The following FCHSD2 variants were observed in gnomAD, a reference collection of about 807,000 sequenced individuals.
The protein encoded by FCHSD2 is FCH and double SH3 domains 2, also known as F-BAR and double SH3 domains protein 2.
Under a neutral mutation model 108.1 loss-of-function variants are expected in FCHSD2, and 38 were observed. The observed-to-expected ratio is 0.35, with a 90% confidence interval of 0.27 to 0.46. The LOEUF is 0.46. Ranked by LOEUF, FCHSD2 falls within the 20% of genes least tolerant of loss-of-function variation. FCHSD2 has a pLI of 1.00. For missense variants in FCHSD2, 751 were observed against 897.8 expected (o/e 0.84, Z 2.09); for synonymous variants, 279 against 314.7 (o/e 0.89, Z 1.20).
chr11:73,130,065 G>A (rs1015908602), intron 2 of FCHSD2, among the ~76,000 whole-genome samples: 7 of 151,408 alleles, frequency 4.6e-5, no homozygotes, highest in African/African-American at 1.7e-4. Flanking sequence ...TAGTAGAGAC[G>A]GGGTTTCACC....
At chr11:73,083,288 T>C (rs926028319) in intron 3 of FCHSD2, among the ~76,000 whole-genome samples, 3 of 152,184 alleles carry the variant, frequency 2.0e-5, no homozygotes, top group Non-Finnish European at 2.9e-5. Context: ...CAGTGGCTCA[T>C]GCCTGTAATC....
chr11:73,042,746 C>T (rs570998702), intron 3 of FCHSD2, among the ~76,000 whole-genome samples: 5 of 151,936 alleles, frequency 3.3e-5, no homozygotes, highest in South Asian at 2.1e-4. Context: ...CAGTGTTTTG[C>T]GGTTTTTTGT....
intron 10 of FCHSD2, among the ~76,000 whole-genome samples, chr11:72,893,435 C>T (rs969489441): frequency 6.6e-6 from 1 of 152,154 alleles, no homozygotes; most frequent in Non-Finnish European, 1.5e-5. Context: ...CCCACCTCAG[C>T]ATCCCAAGTA....
At chr11:72,950,637 T>C (rs199534784) in intron 8 of FCHSD2, among the ~76,000 whole-genome samples, 2 of 152,240 alleles carry the variant, frequency 1.3e-5, no homozygotes, top group African/African-American at 2.4e-5. Context: ...CAGCTACTGA[T>C]GTATGATTAG....
At chr11:73,074,170 C>T (rs1859494653) in intron 3 of FCHSD2, among the ~76,000 whole-genome samples, 1 of 152,094 alleles carries the variant, frequency 6.6e-6, no homozygotes, top group East Asian at 1.9e-4. Flanking sequence ...AACTAATGTG[C>T]CACAAAATAT....
intron 12 of FCHSD2, among the ~76,000 whole-genome samples, chr11:72,868,821 T>A (rs566656215): frequency 6.6e-6 from 1 of 152,246 alleles, no homozygotes; most frequent in East Asian, 1.9e-4. Flanking sequence ...CTCAAGGCTT[T>A]GTCCACATGC....
rs373334602 is a variant in FCHSD2, at chr11:72,841,433, C to T, written c.2056+21G>A. 2.5e-6 allele frequency: 4 copies of T among 1,608,304 alleles called. No individual in the cohort carries two copies. In the African/African-American group the frequency reaches 4.0e-5, roughly 16 times the overall value. On this transcript the variant is annotated intron_variant, in intron 18 of 19. Coordinates refer to ENST00000409418, the MANE Select transcript of FCHSD2 (RefSeq NM_014824.3). ...TCTGAAGTGAAAATGCATTTAGACC[C>T]ATGCCCAGGAGAACCCTTACCGTTT...
chr11:72,839,504 G>A (rs1430271197), intron 19 of FCHSD2, among the ~76,000 whole-genome samples: 4 of 152,132 alleles, frequency 2.6e-5, no homozygotes, highest in African/African-American at 7.2e-5. Context: ...TAGCCCAAAC[G>A]AGGGTACTGG....
intron 4 of FCHSD2, among the ~76,000 whole-genome samples, chr11:73,001,911 C>T (rs1165327081): frequency 6.6e-6 from 1 of 152,180 alleles, no homozygotes; most frequent in African/African-American, 2.4e-5. Context: ...TCCTCTTCAA[C>T]CTTCTTTCCT....
intron 8 of FCHSD2, among the ~76,000 whole-genome samples, chr11:72,978,259 T>G (rs749472013): frequency 6.6e-6 from 1 of 151,770 alleles, no homozygotes; most frequent in Non-Finnish European, 1.5e-5. Flanking sequence ...TGTATACATA[T>G]GTAACAAACC....
At chr11:73,030,752 A>T (rs1470179658) in intron 3 of FCHSD2, among the ~76,000 whole-genome samples, 1 of 152,224 alleles carries the variant, frequency 6.6e-6, no homozygotes, top group Non-Finnish European at 1.5e-5. Context: ...ATTGATAGTG[A>T]AATGGTTACC....
At chr11:73,118,861 T>TA (rs1860665814) in intron 2 of FCHSD2, among the ~76,000 whole-genome samples, 1 of 152,174 alleles carries the variant, frequency 6.6e-6, no homozygotes, top group Admixed American at 6.6e-5. Context: ...CCCAAGGTCA[T>TA]ACAACTAGGG....
intron 8 of FCHSD2, among the ~76,000 whole-genome samples, chr11:72,945,030 AC>A (rs1224683776): frequency 6.6e-6 from 1 of 152,224 alleles, no homozygotes; most frequent in East Asian, 1.9e-4. Flanking sequence ...TGACTTTCTC[AC>A]AGAATTGGAA....
At chr11:73,071,767 C>T (rs1201291922) in intron 3 of FCHSD2, among the ~76,000 whole-genome samples, 2 of 151,932 alleles carry the variant, frequency 1.3e-5, no homozygotes, top group African/African-American at 4.8e-5. Flanking sequence ...CAGAGTGAAA[C>T]ACAGGTTTCT....
chr11:72,902,593 C>A lies in FCHSD2; in HGVS notation c.874G>T (p.Val292Leu). 6.3e-7 allele frequency: 1 copy of A among 1,588,088 alleles called. No individual in the cohort carries two copies. The highest frequency in any genetic ancestry group is 1.2e-5 in the South Asian group (1 of 86,726). The change falls in exon 10 of 20, where the codon GTA (valine) becomes TTA (leucine). Residue 292 changes from valine to leucine, a missense_variant. Coordinates refer to ENST00000409418, the MANE Select transcript of FCHSD2 (RefSeq NM_014824.3). ...TGGAAGGGCTGGGGTTTGTGAAATA[C>A]AGCGTTTTCTTGCAAAAACAGCTGA... ...NLQLFLQENA[V>L]FHKPQPFQFQ...
chr11:73,089,221 T>C (rs1859896284), intron 2 of FCHSD2, among the ~76,000 whole-genome samples: 1 of 152,232 alleles, frequency 6.6e-6, no homozygotes, highest in Non-Finnish European at 1.5e-5. Context: ...GCTAAAATTC[T>C]GAATCAATGT....
intron 8 of FCHSD2, among the ~76,000 whole-genome samples, chr11:72,936,877 TA>T (rs1372364149): frequency 1.3e-5 from 2 of 152,224 alleles, no homozygotes; most frequent in African/African-American, 4.8e-5. Context: ...TGAAATATAT[TA>T]AAAATAGGCG....
At chr11:72,914,241 C>G (rs1855825548) in intron 9 of FCHSD2, among the ~76,000 whole-genome samples, 1 of 152,122 alleles carries the variant, frequency 6.6e-6, no homozygotes, top group African/African-American at 2.4e-5. Context: ...TCTTGAACTC[C>G]TGACCTAAAG....
At chr11:72,957,875 A>C (rs1247501095) in intron 8 of FCHSD2, among the ~76,000 whole-genome samples, 2 of 152,238 alleles carry the variant, frequency 1.3e-5, no homozygotes, top group Non-Finnish European at 2.9e-5. Flanking sequence ...ACAAAATGTT[A>C]ACTGGGGCAT....
Sources: gnomAD v4.1 joint callset for allele counts (sites outside exome capture counted in the v4.1 genomes callset) on GRCh38, gnomAD v4.1.1 for gene constraint, MANE v1.5 for transcripts, NCBI Gene and HGNC (gene_info 2026-07-23, HGNC 2026-07-21) for gene names.